FBXO43: variants seen among roughly 807,000 people sequenced by gnomAD.
FBXO43 encodes F-box protein 43.
FBXO43 carries 22 observed loss-of-function variants against 56.7 expected under a neutral mutation model. That is an observed-to-expected ratio of 0.39 (90% CI 0.28 to 0.55). The LOEUF (loss-of-function observed/expected upper bound fraction) is 0.55. FBXO43 is among the 20% of genes least tolerant of loss of function. The pLI, the probability that FBXO43 is intolerant of heterozygous loss-of-function variation, is 0.66. For synonymous variants in FBXO43, 306 were observed against 294.5 expected (o/e 1.04, Z -0.40); for missense variants, 733 against 814.9 (o/e 0.90, Z 1.22).
chr8:100,134,987 G>A (rs533539477), intron 3 of FBXO43, among the ~76,000 whole-genome samples: 1 of 152,110 alleles, frequency 6.6e-6, no homozygotes, highest in South Asian at 2.1e-4. Context: ...GGTGGATAAT[G>A]GGAGATGAAT....
chr8:100,138,418 G>A (rs1199734939), intron 2 of FBXO43, among the ~76,000 whole-genome samples: 1 of 152,134 alleles, frequency 6.6e-6, no homozygotes, highest in Non-Finnish European at 1.5e-5. Flanking sequence ...CACTTCAATT[G>A]TCATTGACTC....
chr8:100,141,873 T>C lies in FBXO43; in HGVS notation c.381A>G (p.Lys127=), dbSNP rs1814666385. The change falls in exon 2 of 5, where the codon AAA becomes AAG. Residue 127 remains lysine (K), a synonymous_variant. Transcript: ENST00000428847. ...HPLESPTQKK[K]CILPRKEKDK... Reference sequence around the variant, plus strand: ...CCTTTTCCTTTCTAGGCAAGATACATTTCTTTTTTTGAGTGGGAGATTCTA... The same window carrying C: ...CCTTTTCCTTTCTAGGCAAGATACACTTCTTTTTTTGAGTGGGAGATTCTA... 1 of 1,589,252 alleles carries C rather than the reference T, an allele frequency of 6.3e-7. No homozygotes were observed.
At position 100,145,100 on chromosome 8, in the gene FBXO43, A is replaced by C. The variant is rs777312050; in HGVS notation, c.36T>G (p.Cys12Trp). 9 of 1,612,910 alleles carry C rather than the reference A, an allele frequency of 5.6e-6. No homozygotes were observed. Among genetic ancestry groups the C allele is most frequent in the Non-Finnish European group, 7.6e-6 (9 of 1,179,276 alleles). ...ATGTCAAAGTTACGTAGGCTTCCAAACAAGAAATTCTCTCATCTTTGTCTT... is the reference window on the plus strand; with the variant it reads ...ATGTCAAAGTTACGTAGGCTTCCAACCAAGAAATTCTCTCATCTTTGTCTT... Reference protein sequence around the residue: ...SFKDKDERISCLEAYVTLTSK... With the variant: ...SFKDKDERISWLEAYVTLTSK... Residue 12 changes from cysteine (C) to tryptophan (W), a missense_variant, in exon 1 of 5, where the codon TGT (cysteine) becomes TGG (tryptophan). Transcript: ENST00000428847.
chr8:100,142,543 C>A (rs1258339100), intron 1 of FBXO43, among the ~76,000 whole-genome samples: 1 of 152,176 alleles, frequency 6.6e-6, no homozygotes, highest in Non-Finnish European at 1.5e-5. Flanking sequence ...TTTTAATATT[C>A]CAGCTTATTT....
In FBXO43 at chr8:100,137,583, T is replaced by G; in HGVS notation, c.1656A>C (p.Gln552His). 1 of 1,609,428 alleles carries G rather than the reference T, an allele frequency of 6.2e-7. No homozygotes were observed. The highest frequency in any genetic ancestry group is 8.5e-7 in the Non-Finnish European group (1 of 1,176,464). ...ANRRRKFYIT[Q>H]LKTDSEGAVL... ...ACATTACCTCAGAATCTGTTTTCAG[T>G]TGTGTGATATAAAATTTCCTCCTCC... Residue 552 changes from glutamine to histidine, a missense_variant, in exon 3 of 5, where the codon CAA becomes CAC. Gln to His is a conservative substitution (Grantham distance 24). Transcript: ENST00000428847.
chr8:100,142,198 T>C, intron 1 of FBXO43, 30 bp from the exon 2 acceptor site: 1 of 1,508,562 alleles, frequency 6.6e-7, no homozygotes, highest in Non-Finnish European at 8.8e-7. Context: ...TTATTCTGCC[T>C]TTGAAATGAG....
At chr8:100,138,721 G>T (rs1024278304) in intron 2 of FBXO43, among the ~76,000 whole-genome samples, 4 of 152,098 alleles carry the variant, frequency 2.6e-5, no homozygotes, top group Non-Finnish European at 5.9e-5. Context: ...ATTTTAACTG[G>T]CCCAAATACT....
chr8:100,139,274 GCTT>G (rs1249223397), intron 2 of FBXO43, among the ~76,000 whole-genome samples: 3 of 151,942 alleles, frequency 2.0e-5, no homozygotes, highest in African/African-American at 7.3e-5. Context: ...ATAAAGAAGG[GCTT>G]CGATAGAAGT....
intron 1 of FBXO43, among the ~76,000 whole-genome samples, chr8:100,143,257 A>G (rs550716356): frequency 6.6e-6 from 1 of 152,362 alleles, no homozygotes; most frequent in African/African-American, 2.4e-5. Flanking sequence ...AGTTTTCTCC[A>G]GGACAAATGC....
intron 1 of FBXO43, 36 bp downstream of exon 1, chr8:100,145,015 C>G (rs1249244968): frequency 1.1e-5 from 17 of 1,590,360 alleles, no homozygotes; most frequent in African/African-American, 8.1e-5. Flanking sequence ...ACATTAAACC[C>G]AAATGTTCTT....
In FBXO43 at chr8:100,142,099, T is replaced by A; in HGVS notation, c.155A>T (p.Asp52Val). 1 of 1,610,254 alleles carries A rather than the reference T, an allele frequency of 6.2e-7. No homozygotes were observed. Among genetic ancestry groups the A allele is most frequent in the South Asian group, 1.1e-5 (1 of 89,890 alleles). ...CTTGGAGTTGACAATTGGAGGAGAGTCCGCCCCATTTCCTGCTTCAGTGCC... is the reference window on the plus strand; with the variant it reads ...CTTGGAGTTGACAATTGGAGGAGAGACCGCCCCATTTCCTGCTTCAGTGCC... ...QAGTEAGNGA[D>V]SPPIVNSKYS... The change falls in exon 2 of 5, where the codon GAC becomes GTC. Residue 52 changes from aspartate (D) to valine (V), a missense_variant. By Grantham distance (152) the Asp-to-Val change is radical (BLOSUM62 -3). Transcript: ENST00000428847.
chr8:100,134,343 C>A lies in FBXO43; in HGVS notation c.1696G>T (p.Asp566Tyr), dbSNP rs755766663. 6.2e-7 allele frequency: 1 copy of A among 1,613,576 alleles called. No homozygotes were observed. Among genetic ancestry groups the A allele is most frequent in the South Asian group, 1.1e-5 (1 of 91,046 alleles). ...AAAAGCTGGAGCCGAGTGGCAGCAT[C>A]CTCGACATTTAATACAGCCCCCTGT... ...DSEGAVLNVE[D>Y]AATRLQLLNR... Residue 566 changes from aspartate (D) to tyrosine (Y), a missense_variant, in exon 4 of 5, where the codon GAT becomes TAT. Asp to Tyr is a radical substitution (Grantham distance 160). Transcript: ENST00000428847.
rs1563751872 is a variant in FBXO43, at chr8:100,137,608, C to T, written c.1631G>A (p.Arg544Gln). Residue 544 changes from arginine (R) to glutamine (Q), a missense_variant, in exon 3 of 5, where the codon CGG becomes CAG. Transcript: ENST00000428847. The part of the protein sequence containing the change: ...EIVVQDKNAN[R>Q]RRKFYITQLK... Reference sequence around the variant, plus strand: ...TTGTGTGATATAAAATTTCCTCCTCCGATTTGCATTTTTATCTTGAACAAC... The same window carrying T: ...TTGTGTGATATAAAATTTCCTCCTCTGATTTGCATTTTTATCTTGAACAAC... 6.2e-7 allele frequency: 1 copy of T among 1,612,854 alleles called. No homozygotes were observed. The highest frequency in any genetic ancestry group is 1.1e-5 in the South Asian group (1 of 90,914).
In FBXO43 at chr8:100,139,400, C is replaced by T. The variant is rs1338603188; in HGVS notation, c.1571+1283G>A. On this transcript the variant is annotated intron_variant, in intron 2 of 4. Transcript: ENST00000428847. ...TTGAGCCCAGGAGTTGCAGACCAGC[C>T]TGAGCAACACAGTGAGACCCCATCT... Among the ~76,000 whole-genome samples, 6 of 152,252 alleles carry T rather than the reference C, an allele frequency of 3.9e-5. No individual in the cohort carries two copies. The East Asian group carries it at 1.2e-3, about 29-fold the overall frequency.
upstream of FBXO43, among the ~76,000 whole-genome samples, chr8:100,146,173 A>G (rs1814827866): frequency 6.6e-6 from 1 of 152,260 alleles, no homozygotes; most frequent in Admixed American, 6.5e-5. Context: ...GGTTAAAAAT[A>G]TGGATATACA....
rs1425550355 is a variant in FBXO43, at chr8:100,141,217, T to C, written c.1037A>G (p.Asp346Gly). 6.2e-7 allele frequency: 1 copy of C among 1,614,060 alleles called. No individual in the cohort carries two copies. The highest frequency in any genetic ancestry group is 8.5e-7 in the Non-Finnish European group (1 of 1,180,032). The change falls in exon 2 of 5, where the codon GAT becomes GGT. Residue 346 changes from aspartate (D) to glycine (G), a missense_variant. Asp to Gly is a moderately conservative substitution (Grantham distance 94, BLOSUM62 -1). Coordinates refer to ENST00000428847, the MANE Select transcript of FBXO43 (RefSeq NM_001029860.4). ...FNSLSLEKSE[D>G]SLSDQEGSFQ... is the part of the protein sequence containing the mutation. ...AGAACCCTCCTGGTCAGACAGGGAATCTTCTGATTTCTCCAAGCTAAGTGA... is the reference window on the plus strand; with the variant it reads ...AGAACCCTCCTGGTCAGACAGGGAACCTTCTGATTTCTCCAAGCTAAGTGA...
Position 100,142,034 on chromosome 8 carries a change from G to A in FBXO43, c.220C>T (p.Gln74Ter), listed in dbSNP as rs758388773. The A allele has an allele frequency of 2.0e-5, 33 of 1,613,754 alleles. No homozygotes were observed. Among genetic ancestry groups the A allele is most frequent in the Non-Finnish European group, 1.1e-5 (13 of 1,179,928 alleles). Residue 74 changes from glutamine to a stop codon, truncating the protein, a stop_gained, in exon 2 of 5, where the codon CAA becomes TAA. Transcript: ENST00000428847. LOFTEE classifies it high-confidence loss of function. ...TTTAACTCATTGTAGCCACTATCTT[G>A]AAATGAAGATGTGGAACAAAAATCT... The part of the protein sequence containing the change: ...FRDFCSTSSF[Q>*]DSGYNELKSC...
At chr8:100,148,355 T>C (rs1029165440), upstream of FBXO43, among the ~76,000 whole-genome samples, 20 of 152,212 alleles carry the variant, frequency 1.3e-4, no homozygotes, top group Non-Finnish European at 2.4e-4. Flanking sequence ...TTTACTTACA[T>C]ACTCCAGATT....
At chr8:100,135,775 T>C (rs935067773) in intron 3 of FBXO43, among the ~76,000 whole-genome samples, 3 of 152,090 alleles carry the variant, frequency 2.0e-5, no homozygotes, top group Non-Finnish European at 4.4e-5. Context: ...CAGCTACTTT[T>C]TGTATTTTTA....
Sources: gnomAD v4.1 joint callset for allele counts (sites outside exome capture counted in the v4.1 genomes callset) on GRCh38, gnomAD v4.1.1 for gene constraint, MANE v1.5 for transcripts, NCBI Gene and HGNC (gene_info 2026-07-23, HGNC 2026-07-21) for gene names.